Variants in QRICH2 observed in about 807,000 individuals in gnomAD.
QRICH2 encodes the protein glutamine rich 2, also known as glutamine-rich protein 2.
In QRICH2, 119 loss-of-function variants were observed where a neutral mutation model predicts 168.3. The ratio of observed to expected loss-of-function variants is 0.71; its 90% CI spans 0.61 to 0.82. QRICH2 has a LOEUF of 0.82. Ranked by LOEUF, QRICH2 falls within the 40% of genes least tolerant of loss-of-function variation. QRICH2 has a pLI of 0.00. For synonymous variants in QRICH2, 894 were observed against 951.2 expected, an observed-to-expected ratio of 0.94 and a Z score of 1.11; for missense variants, 2,241 against 2,491.6, an observed-to-expected ratio of 0.90 and a Z score of 2.14.
At chr17:76,309,273 G>A (rs1313893042), upstream of QRICH2, among the ~76,000 whole-genome samples, 4 of 149,420 alleles carry the variant, frequency 2.7e-5, no homozygotes, top group Admixed American at 2.0e-4. Context: ...GGAGAATCGC[G>A]TCAACCCGGG....
intron 3 of QRICH2, among the ~76,000 whole-genome samples, chr17:76,299,825 G>A (rs555327115): frequency 9.9e-4 from 151 of 151,806 alleles, no homozygotes; most frequent in African/African-American, 3.5e-3. Flanking sequence ...CTTTTTTAAA[G>A]CCAAACCTTT....
intron 3 of QRICH2, among the ~76,000 whole-genome samples, chr17:76,294,585 G>A (rs930633393): frequency 6.6e-5 from 10 of 152,102 alleles, no homozygotes; most frequent in African/African-American, 2.4e-4. Flanking sequence ...GGCCAAGGCG[G>A]GTGGATCATT....
intron 7 of QRICH2, among the ~76,000 whole-genome samples, chr17:76,286,566 G>T (rs2070888231): frequency 6.6e-6 from 1 of 152,176 alleles, no homozygotes; most frequent in Non-Finnish European, 1.5e-5. Flanking sequence ...TTTGGAATTA[G>T]ATTGTGGTGA....
At chr17:76,302,234 T>C (rs1009712600) in intron 3 of QRICH2, among the ~76,000 whole-genome samples, 3 of 152,002 alleles carry the variant, frequency 2.0e-5, no homozygotes, top group Non-Finnish European at 2.9e-5. Flanking sequence ...TCCTCAGAAA[T>C]GACAGGAGTC....
chr17:76,310,363 T>C (rs1233010182), upstream of QRICH2: 1 of 152,088 alleles, frequency 6.6e-6, no homozygotes, highest in East Asian at 1.9e-4. Context: ...AGAGACGGGG[T>C]TTTGCCATGT....
rs753797697 is a variant in QRICH2 at position 76,280,600 on chromosome 17, C to T, written c.4461+54G>A. On this transcript the variant is annotated intron_variant, in intron 10 of 18. Coordinates refer to ENST00000680821, the MANE Select transcript of QRICH2 (RefSeq NM_001388453.1). This position sits in a 1 kb window ranked among gnomAD's most constrained non-coding sequence, Gnocchi z 7.4. ...CCCCTCCACTCAGTCTCTCAAAGAA[C>T]AGTCAGCGAGACCGCCCTGGGACAC... The T allele has an allele frequency of 2.7e-5, 44 of 1,606,784 alleles. No individual in the cohort carries two copies. Among genetic ancestry groups the T allele is most frequent in the Non-Finnish European group, 3.7e-5 (44 of 1,173,698 alleles).
At chr17:76,285,939 A>C (rs995838497) in intron 7 of QRICH2, among the ~76,000 whole-genome samples, 2 of 151,794 alleles carry the variant, frequency 1.3e-5, no homozygotes, top group Admixed American at 1.3e-4. Context: ...TTGGGAGGCC[A>C]AGGCGGGCAG....
At chr17:76,283,644 T>C (rs57255798) in intron 7 of QRICH2, among the ~76,000 whole-genome samples, 13,669 of 141,636 alleles carry the variant, frequency 0.097, 2,138 homozygotes, top group African/African-American at 0.33. Context: ...GAGGCCAAGG[T>C]GGGTGGATCA....
chr17:76,274,467 T>C (rs2070636925), intron 18 of QRICH2, among the ~76,000 whole-genome samples: 1 of 152,138 alleles, frequency 6.6e-6, no homozygotes, highest in African/African-American at 2.4e-5. Flanking sequence ...TTCATGATCT[T>C]GTGAATGAAA....
At position 76,282,060 on chromosome 17, in the gene QRICH2, A is replaced by G; in HGVS notation, c.4067T>C (p.Leu1356Pro). The G allele has an allele frequency of 1.9e-6, 3 of 1,612,272 alleles. No homozygotes were observed. Among genetic ancestry groups the G allele is most frequent in the Non-Finnish European group, 2.5e-6 (3 of 1,178,622 alleles). Residue 1356 changes from leucine to proline, a missense_variant, in exon 8 of 19, where the codon CTG (leucine) becomes CCG (proline). Leu to Pro is a moderately conservative substitution (Grantham distance 98). This residue lies in a region of QRICH2 where 2,047 missense variants were observed against 2,303.8 expected (regional missense o/e 0.89). Coordinates refer to ENST00000680821, the MANE Select transcript of QRICH2 (RefSeq NM_001388453.1). ...ESMLTSSSTL[L>P]SMSMAPHKAH... The stretch of plus-strand genomic sequence containing the variant: ...CTTGTGCGGGGCCATGCTCATGGAC[A>G]GGAGCGTGGAGGAGGAGGTCAGCAT...
intron 7 of QRICH2, among the ~76,000 whole-genome samples, chr17:76,282,319 G>A (rs1193067718): frequency 6.6e-6 from 1 of 152,238 alleles, no homozygotes; most frequent in Non-Finnish European, 1.5e-5. Context: ...CGAGAACACA[G>A]TGTCAACACT....
chr17:76,307,204 A>T lies in QRICH2; in HGVS notation c.534+261T>A, dbSNP rs1353610347. On this transcript the variant is annotated intron_variant, in intron 1 of 18. Transcript: ENST00000680821. The surrounding 1 kb of genome is among the most constrained non-coding windows in gnomAD (Gnocchi z 5.3). ...ACTACACTTAGGAGGTGGGGTCCCC[A>T]GGCCCCTCCAGCTCGGGGAGGCCCT... Among the ~76,000 whole-genome samples, 1 of 152,090 alleles carries T rather than the reference A, an allele frequency of 6.6e-6. No individual in the cohort carries two copies. Among genetic ancestry groups the T allele is most frequent in the African/African-American group, 2.4e-5 (1 of 41,426 alleles).
intron 4 of QRICH2, among the ~76,000 whole-genome samples, chr17:76,290,318 G>A (rs142759678): frequency 5.5e-4 from 83 of 152,216 alleles, no homozygotes; most frequent in African/African-American, 1.9e-3. Flanking sequence ...ACTGACTCCC[G>A]AATTCCAACC....
In QRICH2 at chr17:76,280,099, G is replaced by C. The variant is rs752011367; in HGVS notation, c.4682C>G (p.Ser1561Trp). 1 of 1,613,770 alleles carries C rather than the reference G, an allele frequency of 6.2e-7. No homozygotes were observed. Among genetic ancestry groups the C allele is most frequent in the Non-Finnish European group, 8.5e-7 (1 of 1,180,010 alleles). Residue 1561 changes from serine (S) to tryptophan (W), a missense_variant, in exon 12 of 19, where the codon TCG (serine) becomes TGG (tryptophan). Around this residue, in one of 3 missense-constraint regions of QRICH2, gnomAD observed 2,047 missense variants for 2,303.8 expected, o/e 0.89. Coordinates refer to ENST00000680821, the MANE Select transcript of QRICH2 (RefSeq NM_001388453.1). This position sits in a 1 kb window ranked among gnomAD's most constrained non-coding sequence, Gnocchi z 7.4. ...GCGCTCCCTGAGCTGCTGTCGCAGCGATTTCCACCGATCCTCCAGCAACTG... is the reference window on the plus strand; with the variant it reads ...GCGCTCCCTGAGCTGCTGTCGCAGCCATTTCCACCGATCCTCCAGCAACTG... Reference protein sequence around the residue: ...VKQLLEDRWKSLRQQLRERPP... With the variant: ...VKQLLEDRWKWLRQQLRERPP...
At chr17:76,285,790 AG>A (rs893164658) in intron 7 of QRICH2, among the ~76,000 whole-genome samples, 3 of 151,900 alleles carry the variant, frequency 2.0e-5, no homozygotes, top group African/African-American at 7.3e-5. Flanking sequence ...TGGAGATTGC[AG>A]TGAGCCAAGA....
Position 76,307,786 on chromosome 17 carries a change from C to A in QRICH2, c.213G>T (p.Pro71=). 1.5e-6 allele frequency: 2 copies of A among 1,373,050 alleles called. No homozygotes were observed. Among genetic ancestry groups the A allele is most frequent in the Non-Finnish European group, 1.9e-6 (2 of 1,067,314 alleles). 85.1% of individuals were successfully genotyped at this position (1,373,050 alleles called of 1,614,324 possible). Residue 71 remains proline, a synonymous_variant, in exon 1 of 19, where the codon CCG becomes CCT. Coordinates refer to ENST00000680821, the MANE Select transcript of QRICH2 (RefSeq NM_001388453.1). The surrounding 1 kb of genome is among the most constrained non-coding windows in gnomAD (Gnocchi z 5.3). The part of the protein sequence containing the change: ...LQSVRSSFSI[P]HLPAPKEVPK... ...GCACCTCCTTGGGCGCGGGCAGGTG[C>A]GGGATGCTGAACGAGCTCCGGACGG...
chr17:76,286,001 T>C (rs1277105147), intron 7 of QRICH2, among the ~76,000 whole-genome samples: 1 of 151,530 alleles, frequency 6.6e-6, no homozygotes, highest in African/African-American at 2.4e-5. Context: ...TGAAACCCCG[T>C]CTCTGCTAAA....
chr17:76,288,477 G>C (rs1195481156), intron 5 of QRICH2, among the ~76,000 whole-genome samples: 3 of 151,588 alleles, frequency 2.0e-5, no homozygotes, highest in Non-Finnish European at 4.4e-5. Flanking sequence ...GGCTGAGGTG[G>C]GAGGATCACC....
chr17:76,308,149 G>A lies in QRICH2; in HGVS notation c.-151C>T. Reference sequence around the variant, plus strand: ...GGCCGAGTCACTGGACAGAGCTCCTGCCTCCAGGGAATCTGCGCCTCCGCT... The same window carrying A: ...GGCCGAGTCACTGGACAGAGCTCCTACCTCCAGGGAATCTGCGCCTCCGCT... On this transcript the variant is annotated 5_prime_UTR_variant, in exon 1 of 19. Transcript: ENST00000680821. 1 of 985,334 alleles carries A rather than the reference G, an allele frequency of 1.0e-6. No homozygotes were observed. Among genetic ancestry groups the A allele is most frequent in the African/African-American group, 1.7e-5 (1 of 57,302 alleles). The allele number at this position is 985,334 out of a possible 1,614,324, so 61.0% of individuals were successfully genotyped here.
Sources: allele counts gnomAD v4.1 joint callset (sites outside exome capture counted in the v4.1 genomes callset), GRCh38; gene constraint gnomAD v4.1.1; regional missense constraint gnomAD v4.1.1; non-coding constraint Gnocchi (gnomAD v3.1); transcripts MANE v1.5; gene names NCBI Gene and HGNC (gene_info 2026-07-23, HGNC 2026-07-21).